The following B3GALT1 variants were observed in gnomAD, a reference collection of about 807,000 sequenced individuals.
B3GALT1 encodes the protein UDP-Gal:betaGlcNAc beta 1,3-galactosyltransferase, polypeptide 1.
A neutral mutation model predicts 23.2 loss-of-function variants in B3GALT1; 10 were observed. The observed-to-expected ratio is 0.43, with a 90% CI of 0.27 to 0.73. B3GALT1 has a LOEUF of 0.73. Among genes scored for constraint, B3GALT1 ranks in the 30% least tolerant of loss-of-function variants. The pLI, the probability that B3GALT1 is intolerant of heterozygous loss-of-function variation, is 0.21. For synonymous variants in B3GALT1, 156 were observed against 141.5 expected (o/e 1.10, Z -0.73); for missense variants, 299 against 405.4 (o/e 0.74, Z 2.25).
chr2:167,353,513 T>G lies in B3GALT1; in HGVS notation c.-511+60179T>G, dbSNP rs77346294. On this transcript the variant is annotated intron_variant, in intron 1 of 4. Transcript: ENST00000392690. ...CATTCAGCTATTTTTATATAAGCAT[T>G]CTCAATGTTGCTGGGTAGGATATTC... 7.2e-4 allele frequency among the ~76,000 whole-genome samples: 110 copies of G among 152,246 alleles called. 1 individual carries two copies. In the East Asian group the frequency reaches 0.018, roughly 24 times the overall value.
intron 1 of B3GALT1, among the ~76,000 whole-genome samples, chr2:167,458,105 A>G (rs1699198992): frequency 6.6e-6 from 1 of 152,184 alleles, no homozygotes; most frequent in African/African-American, 2.4e-5. Flanking sequence ...TATACCAATT[A>G]GACAATAACA....
chr2:167,691,188 G>A (rs4667964), intron 3 of B3GALT1, among the ~76,000 whole-genome samples: 33,217 of 151,912 alleles, frequency 0.22, 4,341 homozygotes, highest in Admixed American at 0.29. Context: ...TCACTTTCCT[G>A]TTTCATTTGT....
chr2:167,693,466 G>A (rs969223589), intron 3 of B3GALT1, among the ~76,000 whole-genome samples: 2 of 152,074 alleles, frequency 1.3e-5, no homozygotes, highest in South Asian at 4.1e-4. Flanking sequence ...AGAACTGTAG[G>A]CTTCATCCAA....
At position 167,305,459 on chromosome 2, in the gene B3GALT1, G is replaced by T. The variant is rs548272507; in HGVS notation, c.-511+12125G>T. Among the ~76,000 whole-genome samples, 4 of 152,228 alleles carry T rather than the reference G, an allele frequency of 2.6e-5. No homozygotes were observed. In the East Asian group the frequency reaches 7.7e-4, roughly 29 times the overall value. On this transcript the variant is annotated intron_variant, in intron 1 of 4. Transcript: ENST00000392690. Reference sequence around the variant, plus strand: ...ACAACCAATGCTGTAAAGCTCTTGTGCATATTATTTCACACGTGTACAAGA... The same window carrying T: ...ACAACCAATGCTGTAAAGCTCTTGTTCATATTATTTCACACGTGTACAAGA...
In B3GALT1 at chr2:167,680,513, A is replaced by AT. The variant is rs771909999; in HGVS notation, c.-352+33557dup. Among the ~76,000 whole-genome samples, 268 of 150,126 alleles carry AT rather than the reference A, an allele frequency of 1.8e-3. 1 individual carries two copies. Among genetic ancestry groups the AT allele is most frequent in the African/African-American group, 6.1e-3 (249 of 41,006 alleles). ...GGAAGGCAGCCTTTCTAATGACCAA[A>AT]TTTTTTTTTTGGTAGGAGGGAGCTA... On this transcript the variant is annotated intron_variant, in intron 3 of 4. Coordinates refer to ENST00000392690, the MANE Select transcript of B3GALT1 (RefSeq NM_020981.4).
At chr2:167,788,582 G>A (rs981803501) in intron 3 of B3GALT1, among the ~76,000 whole-genome samples, 37 of 152,048 alleles carry the variant, frequency 2.4e-4, no homozygotes, top group Non-Finnish European at 4.4e-4. Context: ...GATCTGACAG[G>A]AGGAGGAGCT....
At chr2:167,473,909 C>T (rs1699454101) in intron 1 of B3GALT1, among the ~76,000 whole-genome samples, 2 of 152,084 alleles carry the variant, frequency 1.3e-5, no homozygotes, top group African/African-American at 4.8e-5. Context: ...ATAAATGTTC[C>T]ACCCATTATT....
chr2:167,334,154 A>G (rs145809197), intron 1 of B3GALT1, among the ~76,000 whole-genome samples: 2 of 152,316 alleles, frequency 1.3e-5, no homozygotes, highest in African/African-American at 4.8e-5. Context: ...CACATAATTT[A>G]GTTAATTATA....
chr2:167,587,827 ATTTAT>A (rs2105412962), intron 2 of B3GALT1, among the ~76,000 whole-genome samples: 1 of 152,198 alleles, frequency 6.6e-6, no homozygotes, highest in East Asian at 1.9e-4. Context: ...AATTCAATGT[ATTTAT>A]TTTATCTCTA....
chr2:167,752,055 C>T (rs1687746566), intron 3 of B3GALT1, among the ~76,000 whole-genome samples: 1 of 152,028 alleles, frequency 6.6e-6, no homozygotes, highest in African/African-American at 2.4e-5. Context: ...GTCTTAGCTA[C>T]TGAAAGTAGT....
chr2:167,473,286 C>A (rs1351347886), intron 1 of B3GALT1, among the ~76,000 whole-genome samples: 3 of 152,072 alleles, frequency 2.0e-5, no homozygotes, highest in African/African-American at 7.2e-5. Flanking sequence ...TACTCTCTTA[C>A]AAGGGTTACT....
intron 3 of B3GALT1, among the ~76,000 whole-genome samples, chr2:167,703,999 G>A (rs1294023567): frequency 2.0e-5 from 3 of 151,910 alleles, no homozygotes; most frequent in Non-Finnish European, 4.4e-5. Flanking sequence ...GGCTAACACG[G>A]TGAAACCCCG....
intron 1 of B3GALT1, among the ~76,000 whole-genome samples, chr2:167,478,804 G>A (rs1339338851): frequency 6.6e-6 from 1 of 151,806 alleles, no homozygotes; most frequent in Non-Finnish European, 1.5e-5. Flanking sequence ...ACCTTTGAGT[G>A]AGAACATGTG....
intron 4 of B3GALT1, among the ~76,000 whole-genome samples, chr2:167,824,499 G>A (rs778054038): frequency 2.0e-5 from 3 of 152,244 alleles, no homozygotes; most frequent in African/African-American, 7.2e-5. Context: ...TTGGCAGGAT[G>A]TGGTGATGGA....
chr2:167,516,690 A>G (rs377144149), intron 2 of B3GALT1, among the ~76,000 whole-genome samples: 6 of 152,052 alleles, frequency 3.9e-5, no homozygotes, highest in Admixed American at 3.3e-4. Context: ...TAGAAACTAT[A>G]TAACTTTAGC....
chr2:167,538,534 T>C (rs1683470392), intron 2 of B3GALT1, among the ~76,000 whole-genome samples: 1 of 152,212 alleles, frequency 6.6e-6, no homozygotes. Context: ...TTTGCTTCTG[T>C]ATAATATACC....
At chr2:167,686,523 T>A (rs56331802) in intron 3 of B3GALT1, among the ~76,000 whole-genome samples, 19,010 of 152,208 alleles carry the variant, frequency 0.12, 1,292 homozygotes, top group Middle Eastern at 0.21. Flanking sequence ...AGTTCTCAAG[T>A]TCAAACCAAT....
At chr2:167,795,896 A>T (rs1262739100) in intron 3 of B3GALT1, among the ~76,000 whole-genome samples, 2 of 152,240 alleles carry the variant, frequency 1.3e-5, no homozygotes, top group Non-Finnish European at 2.9e-5. Flanking sequence ...TAATTGATTG[A>T]TTCATGTATT....
At chr2:167,363,295 A>T (rs1559075708) in intron 1 of B3GALT1, among the ~76,000 whole-genome samples, 2 of 151,426 alleles carry the variant, frequency 1.3e-5, no homozygotes, top group South Asian at 2.1e-4. Flanking sequence ...TTTTGTGATA[A>T]TTTTTTTACT....
Sources: allele counts gnomAD v4.1 joint callset (sites outside exome capture counted in the v4.1 genomes callset), GRCh38; gene constraint gnomAD v4.1.1; transcripts MANE v1.5; gene names NCBI Gene and HGNC (gene_info 2026-07-23, HGNC 2026-07-21).